The following GPC5 variants were observed in gnomAD, a reference collection of about 807,000 sequenced individuals.
GPC5 encodes glypican 5, also known as glypican-5.
Under a neutral mutation model 53.9 loss-of-function variants are expected in GPC5, and 47 were observed. That is an observed-to-expected ratio of 0.87 (90% CI 0.69 to 1.11). GPC5 has a LOEUF of 1.11. Ranked by LOEUF, GPC5 falls within the 50% of genes most tolerant of loss-of-function variation. GPC5 has a pLI of 0.00. For missense variants in GPC5, 748 were observed against 713.1 expected (o/e 1.05, Z -0.56); for synonymous variants, 286 against 263.3 (o/e 1.09, Z -0.84).
At chr13:92,777,083 G>T (rs538919668) in intron 7 of GPC5, among the ~76,000 whole-genome samples, 69 of 143,354 alleles carry the variant, frequency 4.8e-4, no homozygotes, top group Non-Finnish European at 9.0e-4. Flanking sequence ...TGTAATCCTA[G>T]TACTTTGGGA....
At chr13:92,846,094 G>T (rs1878602395) in intron 7 of GPC5, among the ~76,000 whole-genome samples, 1 of 152,088 alleles carries the variant, frequency 6.6e-6, no homozygotes, top group Non-Finnish European at 1.5e-5. Flanking sequence ...GTTCTGCAGG[G>T]CTGGTGAGGC....
At chr13:92,733,941 T>C (rs532723712) in intron 7 of GPC5, among the ~76,000 whole-genome samples, 1 of 151,954 alleles carries the variant, frequency 6.6e-6, no homozygotes, top group South Asian at 2.1e-4. Flanking sequence ...CTTCACTAAA[T>C]GTTAGTTACT....
intron 1 of GPC5, among the ~76,000 whole-genome samples, chr13:91,415,127 A>T (rs941696708): frequency 2.6e-5 from 4 of 152,122 alleles, no homozygotes; most frequent in African/African-American, 9.7e-5. Context: ...TTGACTGGGC[A>T]TGCTAACAAT....
chr13:92,560,825 C>G (rs958017083), intron 7 of GPC5, among the ~76,000 whole-genome samples: 1 of 147,862 alleles, frequency 6.8e-6, no homozygotes, highest in Non-Finnish European at 1.5e-5. Context: ...TTCTCCTCAA[C>G]GAATATAAAT....
At chr13:91,625,076 A>G (rs1404351417) in intron 2 of GPC5, among the ~76,000 whole-genome samples, 1 of 151,994 alleles carries the variant, frequency 6.6e-6, no homozygotes, top group Non-Finnish European at 1.5e-5. Context: ...TTCTTTGTGT[A>G]TTCAAGAAAA....
chr13:92,726,606 G>C (rs2139293970), intron 7 of GPC5, among the ~76,000 whole-genome samples: 1 of 151,602 alleles, frequency 6.6e-6, no homozygotes. Flanking sequence ...AAATTTAACT[G>C]TTTATTCCAC....
chr13:92,759,169 T>C (rs1234282907), intron 7 of GPC5, among the ~76,000 whole-genome samples: 1 of 151,548 alleles, frequency 6.6e-6, no homozygotes, highest in African/African-American at 2.4e-5. Context: ...GTAATATAAT[T>C]TTAAATCAGT....
intron 7 of GPC5, among the ~76,000 whole-genome samples, chr13:92,531,276 C>G (rs1244646406): frequency 1.3e-5 from 2 of 151,990 alleles, no homozygotes; most frequent in Non-Finnish European, 2.9e-5. Context: ...ATTGTCACAA[C>G]AGAGATTTTG....
chr13:92,668,243 A>G (rs1273109816), intron 7 of GPC5, among the ~76,000 whole-genome samples: 2 of 152,276 alleles, frequency 1.3e-5, no homozygotes, highest in Admixed American at 6.6e-5. Context: ...TGATATTTAT[A>G]TAAGGACTCT....
At chr13:92,594,862 C>T (rs1883819729) in intron 7 of GPC5, among the ~76,000 whole-genome samples, 1 of 152,182 alleles carries the variant, frequency 6.6e-6, no homozygotes, top group Non-Finnish European at 1.5e-5. Context: ...CTTTACTTCA[C>T]CCAGTACATC....
At chr13:92,098,556 T>C (rs1040750780) in intron 6 of GPC5, among the ~76,000 whole-genome samples, 4 of 152,128 alleles carry the variant, frequency 2.6e-5, no homozygotes, top group African/African-American at 9.7e-5. Context: ...GGAGGTTCCA[T>C]AGAAGTTTGT....
chr13:92,837,034 C>T (rs1171411923), intron 7 of GPC5, among the ~76,000 whole-genome samples: 1 of 151,908 alleles, frequency 6.6e-6, no homozygotes, highest in Non-Finnish European at 1.5e-5. Flanking sequence ...AATTCATATA[C>T]CTAGGCACAT....
intron 7 of GPC5, among the ~76,000 whole-genome samples, chr13:92,386,258 C>CTGAAATTT (rs1874722450): frequency 6.6e-6 from 1 of 151,980 alleles, no homozygotes; most frequent in Admixed American, 6.6e-5. Flanking sequence ...ATATGAGCTT[C>CTGAAATTT]TGAAATTTTG....
At chr13:91,582,276 A>G (rs2032392572) in intron 2 of GPC5, among the ~76,000 whole-genome samples, 1 of 152,204 alleles carries the variant, frequency 6.6e-6, no homozygotes, top group Non-Finnish European at 1.5e-5. Context: ...ATTATATCAA[A>G]TGGATATGGA....
chr13:92,269,786 A>G (rs1039217112), intron 7 of GPC5, among the ~76,000 whole-genome samples: 2 of 152,142 alleles, frequency 1.3e-5, no homozygotes, highest in Non-Finnish European at 2.9e-5. Context: ...AAGTCTGCCA[A>G]AGCTAGAGCA....
At chr13:91,511,924 T>C (rs1266824810) in intron 2 of GPC5, among the ~76,000 whole-genome samples, 1 of 152,096 alleles carries the variant, frequency 6.6e-6, no homozygotes, top group Admixed American at 6.6e-5. Flanking sequence ...AGAAACTATA[T>C]ATAAAAGAAT....
rs138518877 is a variant in GPC5, at chr13:92,175,001, C to T, written c.1561+30012C>T. 7.0e-3 allele frequency among the ~76,000 whole-genome samples: 1,066 copies of T among 152,238 alleles called. 10 individuals are homozygous for T. Among genetic ancestry groups the T allele is most frequent in the Middle Eastern group, 0.02 (6 of 294 alleles). On this transcript the variant is annotated intron_variant, in intron 7 of 7. Coordinates refer to ENST00000377067, the MANE Select transcript of GPC5 (RefSeq NM_004466.6). ...AGTAGCTGGGGTTACAGGGATGCGC[C>T]ACCACGTCCTGCTAAATTTTTTTGT... is the stretch of plus-strand genomic sequence containing the variant.
intron 2 of GPC5, among the ~76,000 whole-genome samples, chr13:91,656,209 T>C (rs1343632596): frequency 6.6e-6 from 1 of 152,134 alleles, no homozygotes; most frequent in Non-Finnish European, 1.5e-5. Context: ...CATTGACAGA[T>C]GAATTTATTG....
chr13:91,817,390 T>C (rs1487849498), intron 5 of GPC5, among the ~76,000 whole-genome samples: 2 of 152,204 alleles, frequency 1.3e-5, no homozygotes, highest in African/African-American at 4.8e-5. Flanking sequence ...TTTTGAATCC[T>C]TTCAGAGAAG....
Sources: allele counts gnomAD v4.1 joint callset (sites outside exome capture counted in the v4.1 genomes callset), GRCh38; gene constraint gnomAD v4.1.1; transcripts MANE v1.5; gene names NCBI Gene and HGNC (gene_info 2026-07-23, HGNC 2026-07-21).